Variants in TSHZ2 observed in about 807,000 individuals in gnomAD.
TSHZ2 encodes the protein teashirt homolog 2.
A neutral mutation model predicts 74.4 loss-of-function variants in TSHZ2; 21 were observed. The observed-to-expected ratio is 0.28, with a 90% CI of 0.20 to 0.41. The LOEUF is 0.41. Among genes scored for constraint, TSHZ2 ranks in the 10% least tolerant of loss-of-function variants. The probability of loss-of-function intolerance (pLI) is 1.00; values close to 1 mark genes in which losing one functional copy is unlikely to be tolerated. For synonymous variants in TSHZ2, 540 were observed against 515.3 expected, an observed-to-expected ratio of 1.05 and a Z score of -0.65; for missense variants, 1,244 against 1,293.5, an observed-to-expected ratio of 0.96 and a Z score of 0.59.
At chr20:53,284,477 G>C (rs1039022077) in intron 2 of TSHZ2, among the ~76,000 whole-genome samples, 11 of 152,166 alleles carry the variant, frequency 7.2e-5, no homozygotes, top group African/African-American at 2.7e-4. Flanking sequence ...ATGATGATAA[G>C]TGTATGCTTC....
At chr20:53,204,200 T>C (rs796527762) in intron 1 of TSHZ2, among the ~76,000 whole-genome samples, 2 of 127,380 alleles carry the variant, frequency 1.6e-5, no homozygotes, top group African/African-American at 5.2e-5. Flanking sequence ...TATATCATCA[T>C]ATGATGATAT....
chr20:52,989,404 G>C (rs911646771), intron 1 of TSHZ2, among the ~76,000 whole-genome samples: 21 of 151,964 alleles, frequency 1.4e-4, no homozygotes, highest in African/African-American at 4.6e-4. Flanking sequence ...GTATTGGATG[G>C]GAAGTCAGTC....
intron 1 of TSHZ2, among the ~76,000 whole-genome samples, chr20:53,017,820 T>C (rs1236074785): frequency 6.6e-6 from 1 of 152,202 alleles, no homozygotes; most frequent in East Asian, 1.9e-4. Context: ...AAGTATCTTG[T>C]ATAGTTTAGG....
At chr20:53,133,230 A>T (rs1987154956) in intron 1 of TSHZ2, among the ~76,000 whole-genome samples, 1 of 152,012 alleles carries the variant, frequency 6.6e-6, no homozygotes, top group East Asian at 1.9e-4. Flanking sequence ...CTTCTACATG[A>T]TCCCCATTTG....
At chr20:53,393,737 C>T (rs1458902189) in intron 2 of TSHZ2, among the ~76,000 whole-genome samples, 2 of 151,834 alleles carry the variant, frequency 1.3e-5, no homozygotes, top group Non-Finnish European at 2.9e-5. Flanking sequence ...AGTATTGTAC[C>T]AATGTCGGTA....
intron 2 of TSHZ2, among the ~76,000 whole-genome samples, chr20:53,372,151 G>A (rs527671038): frequency 1.3e-5 from 2 of 152,204 alleles, no homozygotes; most frequent in East Asian, 3.9e-4. Context: ...GTTCCAAACG[G>A]CCATCAATTT....
intron 2 of TSHZ2, among the ~76,000 whole-genome samples, chr20:53,365,293 T>C (rs1305212385): frequency 6.6e-6 from 1 of 152,242 alleles, no homozygotes. Context: ...TCATAGGCTC[T>C]TGGCATGATG....
chr20:53,392,507 T>C (rs1982293861), intron 2 of TSHZ2, among the ~76,000 whole-genome samples: 1 of 152,200 alleles, frequency 6.6e-6, no homozygotes, highest in African/African-American at 2.4e-5. Flanking sequence ...ACTTAAGATG[T>C]AATATTAAGT....
chr20:53,135,632 A>G (rs1045405150), intron 1 of TSHZ2, among the ~76,000 whole-genome samples: 10 of 152,162 alleles, frequency 6.6e-5, no homozygotes, highest in South Asian at 2.1e-4. Flanking sequence ...TTCTTGCTCT[A>G]TCACCCAGGC....
Position 53,473,439 on chromosome 20 carries a change from T to C in TSHZ2, c.*9-13705T>C, listed in dbSNP as rs1489939647. On this transcript the variant is annotated intron_variant, in intron 2 of 2. Transcript: ENST00000371497. ...CAGGGTATTCCAACAGACCTGTGGC[T>C]GAGGGTCCTGTCTGTTAGAAGGAAA... Among the ~76,000 whole-genome samples the C allele has an allele frequency of 5.7e-5, 8 of 140,022 alleles. 2 individuals are homozygous for C. Among genetic ancestry groups the C allele is most frequent in the African/African-American group, 2.2e-4 (8 of 35,868 alleles). The allele number at this position is 140,022 out of a possible 152,430, so 91.9% of individuals were successfully genotyped here.
chr20:53,000,570 T>C (rs1311993688), intron 1 of TSHZ2, among the ~76,000 whole-genome samples: 1 of 152,190 alleles, frequency 6.6e-6, no homozygotes, highest in Non-Finnish European at 1.5e-5. Context: ...TTGAAATCAA[T>C]TTTTAAAAAA....
intron 1 of TSHZ2, among the ~76,000 whole-genome samples, chr20:53,047,766 T>C (rs1984278819): frequency 6.6e-6 from 1 of 151,350 alleles, no homozygotes; most frequent in African/African-American, 2.4e-5. Context: ...GATAAGAGAG[T>C]GTCCTTATAA....
chr20:53,336,109 G>C (rs1359468198), intron 2 of TSHZ2, among the ~76,000 whole-genome samples: 1 of 152,208 alleles, frequency 6.6e-6, no homozygotes, highest in Non-Finnish European at 1.5e-5. Context: ...TAAAATGCAA[G>C]CATATGGAAG....
rs149559919 is a variant in TSHZ2 at position 53,465,269 on chromosome 20, T to TTGTG, written c.*9-21858_*9-21855dup. 5.8e-3 allele frequency among the ~76,000 whole-genome samples: 876 copies of TTGTG among 150,676 alleles called. 4 individuals carry two copies. The highest frequency in any genetic ancestry group is 0.015 in the African/African-American group (597 of 41,104). ...TGGTAAAGGGAAATAGTTATTACTTTTGTGTGTGTGTGTGTGTGTGAGACA... is the reference window on the plus strand; with the variant it reads ...TGGTAAAGGGAAATAGTTATTACTTTTGTGTGTGTGTGTGTGTGTGTGTGAGACA... On this transcript the variant is annotated intron_variant, in intron 2 of 2. Transcript: ENST00000371497.
chr20:53,400,394 A>G (rs1287607772), intron 2 of TSHZ2: 1 of 152,328 alleles, frequency 6.6e-6, no homozygotes, highest in Non-Finnish European at 1.5e-5. Flanking sequence ...CATAAGTCGA[A>G]GTTGCAATGG....
rs952363911 is a variant in TSHZ2, at chr20:53,487,296, AC to A, written c.*165del. ...CCAAAAAAAAAAAAAAAAAAAAATC[AC>A]CCCAGCCATTTCTCTTCATCCTCAC... is the stretch of plus-strand genomic sequence containing the variant. On this transcript the variant is annotated 3_prime_UTR_variant, in exon 3 of 3. Transcript: ENST00000371497. 4 of 139,634 alleles carry A rather than the reference AC, an allele frequency of 2.9e-5. No individual in the cohort carries two copies. Among genetic ancestry groups the A allele is most frequent in the African/African-American group, 1.1e-4 (4 of 37,782 alleles). The allele number at this position is 139,634 out of a possible 1,614,324, so 8.6% of individuals were successfully genotyped here.
At chr20:53,040,353 G>T (rs2123095358) in intron 1 of TSHZ2, among the ~76,000 whole-genome samples, 1 of 152,254 alleles carries the variant, frequency 6.6e-6, no homozygotes, top group East Asian at 1.9e-4. Flanking sequence ...AGGGAGGAGG[G>T]CTAAATCAGA....
intron 1 of TSHZ2, among the ~76,000 whole-genome samples, chr20:53,219,272 G>A (rs560193510): frequency 7.8e-4 from 118 of 152,212 alleles, no homozygotes; most frequent in Non-Finnish European, 1.4e-3. Context: ...TTTTAAACAC[G>A]AGAACAATCT....
At chr20:53,015,941 A>G (rs1440737054) in intron 1 of TSHZ2, among the ~76,000 whole-genome samples, 1 of 152,210 alleles carries the variant, frequency 6.6e-6, no homozygotes, top group East Asian at 1.9e-4. Flanking sequence ...CAGAAAGGGA[A>G]GAATTTTTAA....
Sources: allele counts gnomAD v4.1 joint callset (sites outside exome capture counted in the v4.1 genomes callset), GRCh38; gene constraint gnomAD v4.1.1; transcripts MANE v1.5; gene names NCBI Gene and HGNC (gene_info 2026-07-23, HGNC 2026-07-21).